CDH9: variants seen among roughly 807,000 people sequenced by gnomAD.
CDH9 encodes cadherin-9.
Under a neutral mutation model 70.9 loss-of-function variants are expected in CDH9, and 28 were observed. The observed-to-expected ratio is 0.40, with a 90% CI of 0.29 to 0.54. The LOEUF (loss-of-function observed/expected upper bound fraction) is 0.54. CDH9 is among the 20% of genes least tolerant of loss of function. CDH9 has a pLI of 0.59. For missense variants in CDH9, 874 were observed against 984.4 expected (o/e 0.89, Z 1.50); for synonymous variants, 409 against 343.1 (o/e 1.19, Z -2.12).
At chr5:26,896,336 G>T (rs990068151) in intron 7 of CDH9, among the ~76,000 whole-genome samples, 1 of 151,628 alleles carries the variant, frequency 6.6e-6, no homozygotes, top group African/African-American at 2.4e-5. Flanking sequence ...TACACACATG[G>T]AAATTATCAG....
intron 2 of CDH9, among the ~76,000 whole-genome samples, chr5:26,940,991 T>C (rs1037787876): frequency 1.2e-4 from 18 of 152,232 alleles, no homozygotes; most frequent in African/African-American, 4.3e-4. Context: ...GAACATAAAT[T>C]GTGCTTAGCA....
At chr5:26,963,338 T>C (rs761210624) in intron 2 of CDH9, among the ~76,000 whole-genome samples, 6 of 152,080 alleles carry the variant, frequency 3.9e-5, no homozygotes, top group Admixed American at 6.6e-5. Flanking sequence ...ATTGGACTAG[T>C]TTTTAGTTGA....
intron 11 of CDH9, among the ~76,000 whole-genome samples, chr5:26,884,561 C>T (rs1223510605): frequency 6.6e-6 from 1 of 152,062 alleles, no homozygotes; most frequent in African/African-American, 2.4e-5. Flanking sequence ...TGTGTTTGTT[C>T]TAAACCACAC....
chr5:27,005,535 G>A (rs146415097), intron 1 of CDH9, among the ~76,000 whole-genome samples: 2 of 152,104 alleles, frequency 1.3e-5, no homozygotes, highest in African/African-American at 4.8e-5. Flanking sequence ...TGACGAGGTC[G>A]TGGAGAAAAG....
chr5:26,888,844 C>T (rs932394047), intron 9 of CDH9, among the ~76,000 whole-genome samples: 1 of 152,110 alleles, frequency 6.6e-6, no homozygotes, highest in Admixed American at 6.6e-5. Flanking sequence ...CCTTGGCCCA[C>T]GAATTCAGGG....
intron 7 of CDH9, among the ~76,000 whole-genome samples, chr5:26,902,244 A>G (rs1199291776): frequency 2.0e-5 from 3 of 151,942 alleles, no homozygotes; most frequent in Non-Finnish European, 4.4e-5. Flanking sequence ...TTGTACCCAG[A>G]GCATTTCAAA....
chr5:26,973,834 T>C (rs1742260873), intron 2 of CDH9, among the ~76,000 whole-genome samples: 4 of 152,206 alleles, frequency 2.6e-5, no homozygotes. Context: ...CAAAACAATA[T>C]GTAAAGTCTA....
At chr5:26,962,935 A>C (rs1272232752) in intron 2 of CDH9, among the ~76,000 whole-genome samples, 7 of 152,148 alleles carry the variant, frequency 4.6e-5, no homozygotes, top group Non-Finnish European at 1.5e-5. Flanking sequence ...TTTCTTAATA[A>C]AAGGAACCCT....
intron 1 of CDH9, chr5:27,028,358 GA>G (rs1377026194): frequency 1.3e-5 from 2 of 150,034 alleles, no homozygotes; most frequent in African/African-American, 4.9e-5. Flanking sequence ...CAGCCTGGGC[GA>G]CAGAATGAGA....
In CDH9 at chr5:26,906,069, A is replaced by T; in HGVS notation, c.701T>A (p.Val234Asp). 6.2e-7 allele frequency: 1 copy of T among 1,613,852 alleles called. No individual in the cohort carries two copies. The highest frequency in any genetic ancestry group is 8.5e-7 in the Non-Finnish European group (1 of 1,179,782). ...MSRENREQYQVVIQAKDMGGQ... is the reference protein window; with the variant it reads ...MSRENREQYQDVIQAKDMGGQ... ...ACCCATGTCTTTGGCCTGTATAACA[A>T]CCTGGTACTGCTCTCTATTTTCTCT... Residue 234 changes from valine (V) to aspartate (D), a missense_variant, in exon 5 of 12, where the codon GTT (valine) becomes GAT (aspartate). By Grantham distance (152) the Val-to-Asp change is radical. Transcript: ENST00000231021.
chr5:26,902,889 T>C, intron 6 of CDH9, 160 bp from the exon 7 acceptor site: 1 of 568,564 alleles, frequency 1.8e-6, no homozygotes, highest in Non-Finnish European at 3.1e-6. Context: ...TATAAATATA[T>C]GTTTTGCCAT....
intron 1 of CDH9, among the ~76,000 whole-genome samples, chr5:27,031,847 T>C (rs1290546334): frequency 6.6e-6 from 1 of 151,954 alleles, no homozygotes; most frequent in Non-Finnish European, 1.5e-5. Context: ...ACATTAATCT[T>C]TGGGTATAAA....
chr5:26,980,834 T>C (rs1051466422), intron 2 of CDH9, among the ~76,000 whole-genome samples: 1 of 152,052 alleles, frequency 6.6e-6, no homozygotes, highest in East Asian at 1.9e-4. Context: ...TGAGCAATAA[T>C]AGCATTGCAT....
At chr5:26,960,679 AAATT>A (rs1381363162) in intron 2 of CDH9, among the ~76,000 whole-genome samples, 1 of 151,790 alleles carries the variant, frequency 6.6e-6, no homozygotes, top group African/African-American at 2.4e-5. Flanking sequence ...TATACTAAAT[AAATT>A]TAGATAATTA....
intron 1 of CDH9, among the ~76,000 whole-genome samples, chr5:27,026,783 T>C (rs1296301373): frequency 1.3e-5 from 2 of 151,994 alleles, no homozygotes; most frequent in Non-Finnish European, 2.9e-5. Flanking sequence ...GGAAAACCAG[T>C]AAATCATTAA....
chr5:27,023,203 T>C (rs1743169068), intron 1 of CDH9, among the ~76,000 whole-genome samples: 1 of 152,084 alleles, frequency 6.6e-6, no homozygotes, highest in East Asian at 1.9e-4. Context: ...TGGTGGAGTG[T>C]AATTCCACCA....
At chr5:26,916,825 G>C (rs1438444557) in intron 2 of CDH9, among the ~76,000 whole-genome samples, 1 of 151,872 alleles carries the variant, frequency 6.6e-6, no homozygotes, top group Non-Finnish European at 1.5e-5. Flanking sequence ...CTTCAACCAC[G>C]ATGTTCTCAT....
At chr5:27,018,938 C>T (rs1048790269) in intron 1 of CDH9, among the ~76,000 whole-genome samples, 1 of 151,906 alleles carries the variant, frequency 6.6e-6, no homozygotes, top group African/African-American at 2.4e-5. Flanking sequence ...TTTGTGTTCC[C>T]TACATCATCT....
At chr5:26,923,212 GA>G (rs2112014494) in intron 2 of CDH9, among the ~76,000 whole-genome samples, 1 of 150,040 alleles carries the variant, frequency 6.7e-6, no homozygotes, top group East Asian at 1.9e-4. Context: ...TAAAGGGATG[GA>G]AAAACGTATT....
Sources: gnomAD v4.1 joint callset for allele counts (sites outside exome capture counted in the v4.1 genomes callset) on GRCh38, gnomAD v4.1.1 for gene constraint, MANE v1.5 for transcripts, NCBI Gene and HGNC (gene_info 2026-07-23, HGNC 2026-07-21) for gene names.